The following ZNF605 variants were observed in gnomAD, a reference collection of about 807,000 sequenced individuals.
The protein encoded by ZNF605 is zinc finger protein 605.
In ZNF605, 9 loss-of-function variants were observed where a neutral mutation model predicts 7.9. That is an observed-to-expected ratio of 1.14 (90% CI 0.68 to 1.98). The LOEUF is 1.98. Among genes scored for constraint, ZNF605 ranks in the 30% most tolerant of loss-of-function variants. The probability of loss-of-function intolerance (pLI) is 0.00; values close to 1 mark genes in which losing one functional copy is unlikely to be tolerated. For synonymous variants in ZNF605, 255 were observed against 260.1 expected (o/e 0.98, Z 0.19); for missense variants, 673 against 762.4 (o/e 0.88, Z 1.38).
chr12:132,939,841 C>T (rs1169013776), intron 3 of ZNF605, among the ~76,000 whole-genome samples: 3 of 149,952 alleles, frequency 2.0e-5, no homozygotes, highest in African/African-American at 7.6e-5. Context: ...TGCAGCTTCA[C>T]TCCTGAGCCA....
At chr12:132,940,718 T>C (rs1378765118) in intron 3 of ZNF605, among the ~76,000 whole-genome samples, 5 of 152,104 alleles carry the variant, frequency 3.3e-5, no homozygotes, top group African/African-American at 1.2e-4. Context: ...ACAAGGTTCC[T>C]GGTGGAGACA....
At chr12:132,927,311 A>G (rs1305240170) in intron 4 of ZNF605, 149 bp from the exon 5 acceptor site, 9 of 529,486 alleles carry the variant, frequency 1.7e-5, no homozygotes, top group Non-Finnish European at 3.1e-6. Flanking sequence ...TTTAACAGAA[A>G]TGAAAATGAA....
rs1952232407 is a variant in ZNF605, at chr12:132,924,961, T to C, written c.*412A>G. On this transcript the variant is annotated 3_prime_UTR_variant, in exon 5 of 5. Coordinates refer to ENST00000360187, the MANE Select transcript of ZNF605 (RefSeq NM_183238.4). ...ACATTATTGAGACTACTCTTCAGTA[T>C]GAACCTCTGTAGGTATTATTCTCAA... The C allele has an allele frequency of 6.2e-6, 1 of 160,116 alleles. No individual in the cohort carries two copies. 9.9% of individuals were successfully genotyped at this position (160,116 alleles called of 1,614,324 possible). A position where few individuals can be genotyped will look rare whatever the true frequency, so the allele number is the denominator to read the frequency against.
intron 1 of ZNF605, among the ~76,000 whole-genome samples, chr12:132,952,481 C>T (rs1360883329): frequency 2.0e-5 from 3 of 147,712 alleles, no homozygotes; most frequent in African/African-American, 7.5e-5. Flanking sequence ...GAAATTTTAA[C>T]TGTGACCAAG....
In ZNF605 at chr12:132,925,506, A is replaced by G. The variant is rs1379784111; in HGVS notation, c.1793T>C (p.Phe598Ser). 5.0e-6 allele frequency: 8 copies of G among 1,614,026 alleles called. No homozygotes were observed. Among genetic ancestry groups the G allele is most frequent in the African/African-American group, 1.3e-5 (1 of 74,918 alleles). ...PYKCGECGKS[F>S]TRKSHLMRHQ... Reference sequence around the variant, plus strand: ...CCTCATAAGGTGTGACTTTCTTGTGAAAGATTTCCCACATTCACCACATTT... The same window carrying G: ...CCTCATAAGGTGTGACTTTCTTGTGGAAGATTTCCCACATTCACCACATTT... Residue 598 changes from phenylalanine (F) to serine (S), a missense_variant, in exon 5 of 5, where the codon TTC (phenylalanine) becomes TCC (serine). Phe to Ser is a radical substitution (Grantham distance 155, BLOSUM62 -2). Transcript: ENST00000360187.
chr12:132,926,258 GC>G lies in ZNF605; in HGVS notation c.1040del (p.Ser347ThrfsTer34). 1 of 1,614,080 alleles carries G rather than the reference GC, an allele frequency of 6.2e-7. No homozygotes were observed. The highest frequency in any genetic ancestry group is 8.5e-7 in the Non-Finnish European group (1 of 1,179,992). ...GATGCCTAATGAGAAGTGAGTTCCT[GC>G]TGAAGGCTTTTTGACACTCACCACA... is the stretch of plus-strand genomic sequence containing the variant. ...YGCGECQKAF[S>X]RNSLLIRHQR... On this transcript the variant is annotated frameshift_variant, in exon 5 of 5. Transcript: ENST00000360187. LOFTEE classifies it low-confidence loss of function (END_TRUNC).
In ZNF605 at chr12:132,926,999, T is replaced by G. The variant is rs1031590018; in HGVS notation, c.300A>C (p.Lys100Asn). ...GCAAATCAAAAGGACATTTCAAACT[T>G]TTTTCTCCTGTGCCACATTTATGGG... The part of the protein sequence containing the change: ...LRSHKCGTGE[K>N]SLKCPFDLLI... The change falls in exon 5 of 5, where the codon AAA becomes AAC. Residue 100 changes from lysine to asparagine, a missense_variant. Physicochemically the swap from Lys to Asn is moderately conservative, Grantham distance 94. Transcript: ENST00000360187. 7.4e-6 allele frequency: 12 copies of G among 1,611,786 alleles called. No individual in the cohort carries two copies. The highest frequency in any genetic ancestry group is 1.6e-4 in the Middle Eastern group (1 of 6,078).
intron 3 of ZNF605, among the ~76,000 whole-genome samples, chr12:132,937,222 G>C (rs1014314270): frequency 6.6e-6 from 1 of 151,952 alleles, no homozygotes; most frequent in African/African-American, 2.4e-5. Context: ...AGCCAGGCAT[G>C]GTGACACGCA....
intron 3 of ZNF605, among the ~76,000 whole-genome samples, chr12:132,935,610 C>G (rs924607604): frequency 7.1e-6 from 1 of 139,894 alleles, no homozygotes; most frequent in Admixed American, 7.1e-5. Context: ...AAAAAAAAAT[C>G]ATCCAGGTGC....
rs1001817684 is a variant in ZNF605, at chr12:132,935,597, A to G, written c.16-2442T>C. ...GTAAAAGAGAAACCGGAATGCACACATAAAAAAAAAATCATCCAGGTGCGG... is the reference window on the plus strand; with the variant it reads ...GTAAAAGAGAAACCGGAATGCACACGTAAAAAAAAAATCATCCAGGTGCGG... On this transcript the variant is annotated intron_variant, in intron 3 of 4. Transcript: ENST00000360187. Among the ~76,000 whole-genome samples the G allele has an allele frequency of 1.5e-4, 22 of 150,670 alleles. No homozygotes were observed. In the East Asian group the frequency reaches 4.3e-3, roughly 29 times the overall value.
In ZNF605 at chr12:132,925,569, A is replaced by G; in HGVS notation, c.1730T>C (p.Ile577Thr). The G allele has an allele frequency of 6.2e-7, 1 of 1,614,174 alleles. No homozygotes were observed. The highest frequency in any genetic ancestry group is 1.3e-5 in the African/African-American group (1 of 75,048). The change falls in exon 5 of 5, where the codon ATT becomes ACT. Residue 577 changes from isoleucine to threonine, a missense_variant. Ile to Thr is a moderately conservative substitution (Grantham distance 89). Coordinates refer to ENST00000360187, the MANE Select transcript of ZNF605 (RefSeq NM_183238.4). ...AKAFFEKAQL[I>T]IHQRIHTGER... ...TCCTGTATGAATTCTCTGATGTATA[A>G]TCAGCTGTGCCTTCTCAAAGAAAGC...
In ZNF605 at chr12:132,928,572, T is replaced by C. The variant is rs760922011; in HGVS notation, c.137-1410A>G. ...AGATATTTTCATCCAATAAGTACAA[T>C]TGTTTGTGATTTCTACAAGACCATT... On this transcript the variant is annotated intron_variant, in intron 4 of 4. Coordinates refer to ENST00000360187, the MANE Select transcript of ZNF605 (RefSeq NM_183238.4). 2.2e-3 allele frequency among the ~76,000 whole-genome samples: 335 copies of C among 152,368 alleles called. 3 individuals are homozygous for C. The highest frequency in any genetic ancestry group is 2.9e-3 in the East Asian group (15 of 5,192).
rs1952177821 is a variant in ZNF605 at position 132,918,593 on chromosome 12, T to C, written c.*6780A>G. Reference sequence around the variant, plus strand: ...TAGCCCCACCCTTGTTTTCTCTTTTTTTGAGACGGAGTCTCACTCTGTTGC... The same window carrying C: ...TAGCCCCACCCTTGTTTTCTCTTTTCTTGAGACGGAGTCTCACTCTGTTGC... On this transcript the variant is annotated 3_prime_UTR_variant, in exon 5 of 5. Coordinates refer to ENST00000360187, the MANE Select transcript of ZNF605 (RefSeq NM_183238.4). 1.3e-5 allele frequency: 2 copies of C among 152,454 alleles called. No homozygotes were observed. Among genetic ancestry groups the C allele is most frequent in the Non-Finnish European group, 2.9e-5 (2 of 68,112 alleles). The allele number at this position is 152,454 out of a possible 1,614,324, so 9.4% of individuals were successfully genotyped here.
chr12:132,947,082 G>A (rs1374195081), intron 2 of ZNF605, among the ~76,000 whole-genome samples: 3 of 151,920 alleles, frequency 2.0e-5, no homozygotes, highest in Non-Finnish European at 2.9e-5. Context: ...GCATGATCTC[G>A]GCTTACTGCA....
At chr12:132,939,232 C>A (rs1170524173) in intron 3 of ZNF605, among the ~76,000 whole-genome samples, 1 of 152,156 alleles carries the variant, frequency 6.6e-6, no homozygotes, top group Non-Finnish European at 1.5e-5. Context: ...CTGGTGGGGA[C>A]GTGGAGAGTC....
At chr12:132,942,153 A>G (rs895010007) in intron 3 of ZNF605, among the ~76,000 whole-genome samples, 17 of 152,246 alleles carry the variant, frequency 1.1e-4, no homozygotes, top group African/African-American at 3.9e-4. Flanking sequence ...TACATGGGAC[A>G]CACAGGTAAC....
intron 3 of ZNF605, among the ~76,000 whole-genome samples, chr12:132,943,769 A>G (rs1289939720): frequency 6.6e-6 from 1 of 151,472 alleles, no homozygotes; most frequent in African/African-American, 2.4e-5. Context: ...GACAATCCCC[A>G]CATCTGCACT....
intron 3 of ZNF605, among the ~76,000 whole-genome samples, chr12:132,938,901 G>A (rs1464935884): frequency 1.3e-5 from 2 of 152,156 alleles, no homozygotes; most frequent in African/African-American, 2.4e-5. Flanking sequence ...ACCCGGGCCA[G>A]TGGCTGCGGA....
intron 3 of ZNF605, among the ~76,000 whole-genome samples, chr12:132,934,182 G>A (rs1354458104): frequency 6.6e-6 from 1 of 152,144 alleles, no homozygotes; most frequent in Admixed American, 6.5e-5. Flanking sequence ...GGGAGGCTGA[G>A]GCAGGAGAAT....
Sources: allele counts gnomAD v4.1 joint callset (sites outside exome capture counted in the v4.1 genomes callset), GRCh38; gene constraint gnomAD v4.1.1; transcripts MANE v1.5; gene names NCBI Gene and HGNC (gene_info 2026-07-23, HGNC 2026-07-21).